The following CABCOCO1 variants were observed in gnomAD, a reference collection of about 807,000 sequenced individuals.
The protein encoded by CABCOCO1 is ciliary associated calcium binding coiled-coil 1.
Under a neutral mutation model 35.7 loss-of-function variants are expected in CABCOCO1, and 28 were observed. That is an observed-to-expected ratio of 0.78 (90% CI 0.58 to 1.07). The LOEUF (loss-of-function observed/expected upper bound fraction) is 1.07, where lower values mean the gene tolerates loss of function less well. Among genes scored for constraint, CABCOCO1 ranks in the 50% least tolerant of loss-of-function variants. The pLI is 0.00. For missense variants in CABCOCO1, 326 were observed against 309.2 expected (o/e 1.05, Z -0.41); for synonymous variants, 95 against 100.1 (o/e 0.95, Z 0.30).
In CABCOCO1 at chr10:61,727,544, G is replaced by C. The variant is rs976222164; in HGVS notation, c.553-32515G>C. Among the ~76,000 whole-genome samples the C allele has an allele frequency of 3.3e-5, 5 of 152,096 alleles. No homozygotes were observed. In the East Asian group the frequency reaches 9.6e-4, roughly 29 times the overall value. ...AAAGAAGAAAAAACTAGAAATGTCT[G>C]TTTTCATCCATAACTCTCTTCAAAT... On this transcript the variant is annotated intron_variant, in intron 5 of 7. Transcript: ENST00000648843.
At chr10:61,760,234 G>A in intron 6 of CABCOCO1, 53 bp downstream of exon 6, 1 of 1,560,098 alleles carries the variant, frequency 6.4e-7, no homozygotes, top group Admixed American at 1.8e-5. Context: ...ATATTCTCTT[G>A]GGGTGGGAGG....
chr10:61,721,680 C>T (rs1162466902), intron 5 of CABCOCO1, among the ~76,000 whole-genome samples: 1 of 152,142 alleles, frequency 6.6e-6, no homozygotes, highest in Non-Finnish European at 1.5e-5. Context: ...CTTCTCTTTC[C>T]TCCCACCATT....
intron 2 of CABCOCO1, among the ~76,000 whole-genome samples, chr10:61,678,562 T>A (rs928057816): frequency 6.6e-6 from 1 of 151,958 alleles, no homozygotes. Context: ...ATATATGACA[T>A]AACAGGAAAT....
intron 2 of CABCOCO1, among the ~76,000 whole-genome samples, chr10:61,680,073 G>A (rs942633580): frequency 2.6e-5 from 4 of 151,764 alleles, no homozygotes; most frequent in African/African-American, 9.7e-5. Flanking sequence ...CACTTTGAGA[G>A]GCCAAGGCGG....
intron 5 of CABCOCO1, among the ~76,000 whole-genome samples, chr10:61,708,521 C>A (rs150416852): frequency 2.6e-5 from 4 of 152,194 alleles, no homozygotes; most frequent in Admixed American, 2.0e-4. Flanking sequence ...AAGGCACCAG[C>A]AGATTTCTAG....
intron 5 of CABCOCO1, among the ~76,000 whole-genome samples, chr10:61,751,382 G>A (rs1032584018): frequency 3.3e-5 from 5 of 152,062 alleles, no homozygotes; most frequent in African/African-American, 1.2e-4. Flanking sequence ...GCACAGGTGG[G>A]ACAGGCATCA....
chr10:61,694,903 C>A (rs1312152793), intron 5 of CABCOCO1, among the ~76,000 whole-genome samples: 1 of 152,100 alleles, frequency 6.6e-6, no homozygotes, highest in Admixed American at 6.6e-5. Context: ...ATGGACTGAA[C>A]TTCAATTCCA....
intron 2 of CABCOCO1, among the ~76,000 whole-genome samples, chr10:61,673,523 A>G (rs2068755): frequency 0.16 from 24,780 of 152,152 alleles, 2,776 homozygotes; most frequent in African/African-American, 0.29. Flanking sequence ...GGACCATAAC[A>G]GACAAATAGA....
At chr10:61,733,287 A>C (rs73289535) in intron 5 of CABCOCO1, among the ~76,000 whole-genome samples, 116 of 152,036 alleles carry the variant, frequency 7.6e-4, no homozygotes, top group African/African-American at 2.7e-3. Context: ...GCATCCTGCC[A>C]TTTTTTGCTG....
chr10:61,762,048 G>T (rs1707419422), intron 7 of CABCOCO1, among the ~76,000 whole-genome samples: 1 of 152,076 alleles, frequency 6.6e-6, no homozygotes, highest in South Asian at 2.1e-4. Context: ...TGGTTATTGT[G>T]TAGAAGGGCA....
chr10:61,748,360 C>T (rs1245866492), intron 5 of CABCOCO1, among the ~76,000 whole-genome samples: 2 of 152,166 alleles, frequency 1.3e-5, no homozygotes, highest in Admixed American at 6.5e-5. Context: ...AGACCAAGTC[C>T]TTACCCTCAG....
chr10:61,685,747 A>G (rs1355915314), intron 3 of CABCOCO1, among the ~76,000 whole-genome samples: 1 of 152,146 alleles, frequency 6.6e-6, no homozygotes, highest in African/African-American at 2.4e-5. Flanking sequence ...TTTTTTGTAG[A>G]GACAGGGTTT....
In CABCOCO1 at chr10:61,760,148, A is replaced by T. The variant is rs748850180; in HGVS notation, c.642A>T (p.Ile214=). The change falls in exon 6 of 8, where the codon ATA becomes ATT. Residue 214 remains isoleucine (I), a synonymous_variant. Transcript: ENST00000648843. ...CATTTGATATTTATTCAACATTCATAGAGCCCCCCACAATATTGGATACGG... is the reference window on the plus strand; with the variant it reads ...CATTTGATATTTATTCAACATTCATTGAGCCCCCCACAATATTGGATACGG... ...GISFDIYSTF[I]EPPTILDTEM... 6.2e-7 allele frequency: 1 copy of T among 1,612,032 alleles called. No homozygotes were observed. The highest frequency in any genetic ancestry group is 8.5e-7 in the Non-Finnish European group (1 of 1,178,466).
chr10:61,754,339 A>T (rs1841853285), intron 5 of CABCOCO1, among the ~76,000 whole-genome samples: 1 of 152,098 alleles, frequency 6.6e-6, no homozygotes, highest in Admixed American at 6.6e-5. Flanking sequence ...GGACTGCTCT[A>T]TCCCTCAGGA....
At chr10:61,756,592 T>C (rs1190377149) in intron 5 of CABCOCO1, among the ~76,000 whole-genome samples, 2 of 152,130 alleles carry the variant, frequency 1.3e-5, no homozygotes, top group Non-Finnish European at 2.9e-5. Flanking sequence ...ATTTATTGCT[T>C]TACATTCAAA....
intron 5 of CABCOCO1, among the ~76,000 whole-genome samples, chr10:61,699,518 A>G (rs185385680): frequency 1.3e-5 from 2 of 152,022 alleles, no homozygotes; most frequent in African/African-American, 4.8e-5. Flanking sequence ...GCCTTTTCGT[A>G]ATTACAGCTT....
chr10:61,749,419 G>A (rs145030341), intron 5 of CABCOCO1, among the ~76,000 whole-genome samples: 110 of 152,266 alleles, frequency 7.2e-4, no homozygotes, highest in Non-Finnish European at 3.5e-4. Context: ...TGAAATAAGC[G>A]TGTTCTCAGA....
chr10:61,692,178 T>A (rs1252244640), intron 5 of CABCOCO1, among the ~76,000 whole-genome samples: 1 of 152,186 alleles, frequency 6.6e-6, no homozygotes, highest in African/African-American at 2.4e-5. Context: ...TTTTTAATGA[T>A]CACCATTTTA....
At chr10:61,744,541 C>T (rs1412057004) in intron 5 of CABCOCO1, among the ~76,000 whole-genome samples, 6 of 152,094 alleles carry the variant, frequency 3.9e-5, no homozygotes, top group Admixed American at 3.9e-4. Flanking sequence ...CCCATTTGAC[C>T]TAATATATCA....
Sources: gnomAD v4.1 joint callset for allele counts (sites outside exome capture counted in the v4.1 genomes callset) on GRCh38, gnomAD v4.1.1 for gene constraint, MANE v1.5 for transcripts, NCBI Gene and HGNC (gene_info 2026-07-23, HGNC 2026-07-21) for gene names.